LRBA: variants seen among roughly 807,000 people sequenced by gnomAD.
The protein encoded by LRBA is LPS responsive beige-like anchor protein.
Under a neutral mutation model 330.0 loss-of-function variants are expected in LRBA, and 176 were observed. The ratio of observed to expected loss-of-function variants is 0.53; its 90% CI spans 0.47 to 0.60. The LOEUF is 0.60. LRBA is among the 20% of genes least tolerant of loss of function. The pLI is 0.00. For missense variants in LRBA, 3,259 were observed against 3,444.8 expected (o/e 0.95, Z 1.35); for synonymous variants, 1,230 against 1,193.0 (o/e 1.03, Z -0.64).
intron 40 of LRBA, among the ~76,000 whole-genome samples, chr4:150,532,089 T>C (rs1764110269): frequency 6.6e-6 from 1 of 152,214 alleles, no homozygotes; most frequent in Non-Finnish European, 1.5e-5. Context: ...TATAGAGGAC[T>C]GTCATTCTCA....
intron 36 of LRBA, among the ~76,000 whole-genome samples, chr4:150,688,113 C>G (rs1783786297): frequency 6.6e-6 from 1 of 152,098 alleles, no homozygotes; most frequent in African/African-American, 2.4e-5. Context: ...ATATATAAAA[C>G]AAATGGAACA....
At chr4:150,380,982 C>CAAA (rs58528401) in intron 47 of LRBA, among the ~76,000 whole-genome samples, 2 of 61,008 alleles carry the variant, frequency 3.3e-5, no homozygotes, top group African/African-American at 6.6e-5. Flanking sequence ...AACTCCATCT[C>CAAA]AAAAAAAAAA....
chr4:150,803,317 A>G (rs1259621480), intron 33 of LRBA, among the ~76,000 whole-genome samples: 1 of 151,908 alleles, frequency 6.6e-6, no homozygotes, highest in Non-Finnish European at 1.5e-5. Flanking sequence ...AGTTTTAAAT[A>G]TCTAAGATAG....
At chr4:150,780,319 T>G (rs949325861) in intron 34 of LRBA, among the ~76,000 whole-genome samples, 32 of 152,168 alleles carry the variant, frequency 2.1e-4, no homozygotes, top group Non-Finnish European at 3.7e-4. Flanking sequence ...TATCTTATGT[T>G]TATGCTATGA....
chr4:150,294,802 A>C (rs937448420), intron 53 of LRBA, among the ~76,000 whole-genome samples: 1 of 152,182 alleles, frequency 6.6e-6, no homozygotes, highest in Non-Finnish European at 1.5e-5. Flanking sequence ...ATACAAAAAA[A>C]TTATCTGGGC....
chr4:150,857,547 A>C (rs927272230), intron 22 of LRBA, among the ~76,000 whole-genome samples: 1 of 152,184 alleles, frequency 6.6e-6, no homozygotes, highest in African/African-American at 2.4e-5. Flanking sequence ...CAATTTAGCA[A>C]TATCTACTAA....
chr4:150,398,895 G>A (rs1471659994), intron 47 of LRBA, among the ~76,000 whole-genome samples: 4 of 152,024 alleles, frequency 2.6e-5, no homozygotes, highest in Non-Finnish European at 4.4e-5. Flanking sequence ...CCAGAGTGCC[G>A]GGATTTACAG....
intron 2 of LRBA, among the ~76,000 whole-genome samples, chr4:150,974,604 C>G (rs1464157575): frequency 6.6e-6 from 1 of 152,198 alleles, no homozygotes; most frequent in Non-Finnish European, 1.5e-5. Context: ...TAAAAACAAG[C>G]TTTGAGTCTG....
chr4:150,631,985 C>T (rs1777426584), intron 37 of LRBA, among the ~76,000 whole-genome samples: 1 of 152,150 alleles, frequency 6.6e-6, no homozygotes, highest in African/African-American at 2.4e-5. Context: ...AATCCCAGCA[C>T]TTTGGGAGGC....
intron 2 of LRBA, among the ~76,000 whole-genome samples, chr4:151,001,897 A>C (rs1743383351): frequency 6.6e-6 from 1 of 152,116 alleles, no homozygotes; most frequent in Non-Finnish European, 1.5e-5. Context: ...AAAAGTGCCA[A>C]ACATGGCACC....
intron 37 of LRBA, among the ~76,000 whole-genome samples, chr4:150,613,016 G>C (rs945828448): frequency 1.3e-5 from 2 of 152,020 alleles, no homozygotes; most frequent in African/African-American, 4.8e-5. Context: ...AAAGTATAGA[G>C]GTCTGAAAAT....
chr4:150,393,769 A>G (rs1024685304), intron 47 of LRBA, among the ~76,000 whole-genome samples: 2 of 152,202 alleles, frequency 1.3e-5, no homozygotes, highest in African/African-American at 4.8e-5. Flanking sequence ...TATGGGCATG[A>G]GCCACTGCCC....
intron 26 of LRBA, among the ~76,000 whole-genome samples, chr4:150,845,596 T>C (rs936792610): frequency 6.6e-6 from 1 of 152,022 alleles, no homozygotes; most frequent in East Asian, 1.9e-4. Context: ...GAGAGCAAAT[T>C]AGGAACAAAA....
chr4:150,363,343 C>CATTTCCTCT (rs1738990968), intron 47 of LRBA, among the ~76,000 whole-genome samples: 1 of 152,128 alleles, frequency 6.6e-6, no homozygotes, highest in African/African-American at 2.4e-5. Context: ...CAGAACAAGG[C>CATTTCCTCT]ATTTCCTCTT....
intron 55 of LRBA, among the ~76,000 whole-genome samples, chr4:150,280,745 C>T (rs951226384): frequency 1.3e-5 from 2 of 152,288 alleles, no homozygotes; most frequent in Middle Eastern, 6.8e-3. Context: ...GAGGAAGGAG[C>T]TGGAGATTCT....
intron 17 of LRBA, among the ~76,000 whole-genome samples, chr4:150,883,735 T>C (rs1313018539): frequency 6.6e-6 from 1 of 152,154 alleles, no homozygotes; most frequent in Non-Finnish European, 1.5e-5. Flanking sequence ...ATATAAACAT[T>C]TAATAAATAT....
chr4:150,775,778 A>C (rs1737219085), intron 34 of LRBA, among the ~76,000 whole-genome samples: 1 of 149,886 alleles, frequency 6.7e-6, no homozygotes, highest in African/African-American at 2.5e-5. Flanking sequence ...GAAAAAGGAC[A>C]AAATCATTAG....
chr4:150,794,224 T>G (rs1379828964), intron 34 of LRBA, among the ~76,000 whole-genome samples: 1 of 152,060 alleles, frequency 6.6e-6, no homozygotes. Context: ...AGAAATGAGG[T>G]TCAGGCATTA....
At chr4:150,443,301 G>A (rs1318404406) in intron 44 of LRBA, among the ~76,000 whole-genome samples, 1 of 151,932 alleles carries the variant, frequency 6.6e-6, no homozygotes, top group African/African-American at 2.4e-5. Flanking sequence ...GATTCCTCAG[G>A]GATCTACAAC....
Sources: allele counts gnomAD v4.1 joint callset (sites outside exome capture counted in the v4.1 genomes callset), GRCh38; gene constraint gnomAD v4.1.1; transcripts MANE v1.5; gene names NCBI Gene and HGNC (gene_info 2026-07-23, HGNC 2026-07-21).